The following ZNF577 variants were observed in gnomAD, a reference collection of about 807,000 sequenced individuals.
ZNF577 encodes the protein zinc finger protein 577.
ZNF577 carries 14 observed loss-of-function variants against 13.9 expected under a neutral mutation model. The observed-to-expected ratio is 1.00, with a 90% confidence interval of 0.66 to 1.57. The LOEUF is 1.57. Among genes scored for constraint, ZNF577 ranks in the 40% most tolerant of loss-of-function variants. ZNF577 has a pLI of 0.00. For missense variants in ZNF577, 555 were observed against 579.2 expected, an observed-to-expected ratio of 0.96 and a Z score of 0.43; for synonymous variants, 203 against 202.9, an observed-to-expected ratio of 1.00 and a Z score of 0.00.
intron 5 of ZNF577, among the ~76,000 whole-genome samples, chr19:51,846,994 A>C (rs1179834090): frequency 1.3e-5 from 2 of 152,168 alleles, no homozygotes; most frequent in African/African-American, 4.8e-5. Flanking sequence ...ACCCATCTGC[A>C]AGGTAGATAT....
chr19:51,872,639 C>G lies in ZNF577; in HGVS notation c.1351G>C (p.Val451Leu). ...EQPFPRNQAF[V>L]VNQEFEQRIS... ...CTCTGTTCAAATTCCTGATTAACTA[C>G]AAAGGCTTGATTTCTTGGAAAAGGT... Residue 451 changes from valine (V) to leucine (L), a missense_variant, in exon 6 of 6, where the codon GTA becomes CTA. Coordinates refer to ENST00000638348, the MANE Select transcript of ZNF577 (RefSeq NM_001370449.1). 6.2e-7 allele frequency: 1 copy of G among 1,614,178 alleles called. No individual in the cohort carries two copies. Among genetic ancestry groups the G allele is most frequent in the Non-Finnish European group, 8.5e-7 (1 of 1,180,022 alleles).
chr19:51,865,658 G>A (rs1371232624), downstream of ZNF577, among the ~76,000 whole-genome samples: 1 of 152,170 alleles, frequency 6.6e-6, no homozygotes, highest in Non-Finnish European at 1.5e-5. Context: ...CAATGATCTA[G>A]GTATCTGTAG....
intron 1 of ZNF577, among the ~76,000 whole-genome samples, chr19:51,882,660 T>C (rs986253927): frequency 6.6e-6 from 1 of 152,022 alleles, no homozygotes; most frequent in Non-Finnish European, 1.5e-5. Context: ...GGTGCATGCA[T>C]GTAGTCCCAG....
At chr19:51,814,228 CG>C (rs1347635671) in intron 9 of ZNF577, among the ~76,000 whole-genome samples, 3 of 152,258 alleles carry the variant, frequency 2.0e-5, no homozygotes, top group African/African-American at 7.2e-5. Flanking sequence ...TTGTTTCAGC[CG>C]GAGGACAATG....
chr19:51,809,655 C>T (rs1313076018), intron 10 of ZNF577, among the ~76,000 whole-genome samples: 1 of 152,216 alleles, frequency 6.6e-6, no homozygotes, highest in African/African-American at 2.4e-5. Flanking sequence ...TCTGGGACTA[C>T]AGTAATGCCC....
intron 10 of ZNF577, among the ~76,000 whole-genome samples, chr19:51,806,772 G>C (rs1474817472): frequency 1.3e-5 from 2 of 152,166 alleles, no homozygotes; most frequent in Non-Finnish European, 2.9e-5. Flanking sequence ...TCACCTGTTT[G>C]GCATGTACCA....
intron 9 of ZNF577, among the ~76,000 whole-genome samples, chr19:51,819,941 G>A (rs949621521): frequency 6.6e-6 from 1 of 152,164 alleles, no homozygotes; most frequent in African/African-American, 2.4e-5. Context: ...TTGGGAAGAC[G>A]AGAGACAGTG....
chr19:51,835,566 C>T (rs958060517), intron 9 of ZNF577, among the ~76,000 whole-genome samples: 3 of 152,136 alleles, frequency 2.0e-5, no homozygotes, highest in Non-Finnish European at 2.9e-5. Flanking sequence ...CTGTTCAATA[C>T]AAAAATTGTG....
intron 1 of ZNF577, among the ~76,000 whole-genome samples, chr19:51,883,071 G>C (rs936800305): frequency 6.7e-6 from 1 of 148,652 alleles, no homozygotes; most frequent in Admixed American, 6.8e-5. Context: ...TCAGCTCACT[G>C]CAACCTCCAC....
chr19:51,851,819 C>T (rs375026770), intron 5 of ZNF577, among the ~76,000 whole-genome samples: 22 of 152,202 alleles, frequency 1.4e-4, no homozygotes, highest in African/African-American at 3.6e-4. Context: ...ACAACCCTTA[C>T]GTCTGTCATT....
chr19:51,870,079 G>A lies in ZNF577; in HGVS notation c.*2453C>T, dbSNP rs1036557357. Among the ~76,000 whole-genome samples, 10 of 152,224 alleles carry A rather than the reference G, an allele frequency of 6.6e-5. No individual in the cohort carries two copies. Among genetic ancestry groups the A allele is most frequent in the South Asian group, 4.1e-4 (2 of 4,828 alleles). Reference sequence around the variant, plus strand: ...ATCCTAGGGGCATTGGGTCCAGTGCGTAGACTGAGCTTCATCTGCCCCTTG... The same window carrying A: ...ATCCTAGGGGCATTGGGTCCAGTGCATAGACTGAGCTTCATCTGCCCCTTG... On this transcript the variant is annotated 3_prime_UTR_variant, in exon 6 of 6. Coordinates refer to ENST00000638348, the MANE Select transcript of ZNF577 (RefSeq NM_001370449.1).
At chr19:51,855,049 T>C (rs2084403802) in intron 5 of ZNF577, among the ~76,000 whole-genome samples, 3 of 152,346 alleles carry the variant, frequency 2.0e-5, no homozygotes, top group Non-Finnish European at 2.9e-5. Context: ...GTCTGACATA[T>C]GAGCCTCCTC....
At position 51,873,393 on chromosome 19, in the gene ZNF577, A is replaced by T; in HGVS notation, c.597T>A (p.Ile199=). 1 of 1,614,126 alleles carries T rather than the reference A, an allele frequency of 6.2e-7. No individual in the cohort carries two copies. ...GAGTTCTCTGATGCTCAGTGAGCTG[A>T]ATCTTCCTCATGAATGTTTTCCCAC... ...GECGKTFMRK[I]QLTEHQRTHT... is the part of the protein sequence containing the mutation. The change falls in exon 6 of 6, where the codon ATT becomes ATA. Residue 199 remains isoleucine (I), a synonymous_variant. Coordinates refer to ENST00000638348, the MANE Select transcript of ZNF577 (RefSeq NM_001370449.1).
At position 51,857,336 on chromosome 19, in the gene ZNF577, GAGAAAGAA is replaced by G. The variant is rs908095910; in HGVS notation, c.284-12413_284-12406del. ...GGAAGGAAAAGAAAAGGAGAAAGGA[GAGAAAGAA>G]AGAGAGAAAGAAAGAAGGAAGGAAA... On this transcript the variant is annotated intron_variant and NMD_transcript_variant, in intron 5 of 10. Coordinates refer to the ZNF577 transcript ENST00000638827. 3.3e-3 allele frequency among the ~76,000 whole-genome samples: 404 copies of G among 124,040 alleles called. 16 individuals carry two copies. Among genetic ancestry groups the G allele is most frequent in the African/African-American group, 6.4e-3 (211 of 32,806 alleles). The allele number at this position is 124,040 out of a possible 152,430, so 81.4% of individuals were successfully genotyped here.
chr19:51,853,436 G>A (rs950560776), intron 5 of ZNF577, among the ~76,000 whole-genome samples: 1 of 152,158 alleles, frequency 6.6e-6, no homozygotes, highest in Admixed American at 6.5e-5. Context: ...TGCAAAAAGG[G>A]CACTACCCTA....
At chr19:51,882,493 A>C (rs374118956) in intron 1 of ZNF577, among the ~76,000 whole-genome samples, 8 of 146,246 alleles carry the variant, frequency 5.5e-5, no homozygotes, top group African/African-American at 1.6e-4. Context: ...AAAAAAAAAA[A>C]AACTAGGGTC....
intron 9 of ZNF577, among the ~76,000 whole-genome samples, chr19:51,819,039 A>G (rs1467223043): frequency 6.6e-6 from 1 of 152,238 alleles, no homozygotes; most frequent in African/African-American, 2.4e-5. Context: ...CTGTGCATTC[A>G]GCATGTTCTG....
chr19:51,825,965 C>T (rs1351108267), intron 9 of ZNF577: 1 of 166,892 alleles, frequency 6.0e-6, no homozygotes, highest in Non-Finnish European at 1.5e-5. Flanking sequence ...GGGGCTTTCT[C>T]TTTTTAAAGT....
chr19:51,857,799 A>C (rs2084453349), intron 5 of ZNF577, among the ~76,000 whole-genome samples: 1 of 152,078 alleles, frequency 6.6e-6, no homozygotes, highest in African/African-American at 2.4e-5. Flanking sequence ...AAACTCTAAG[A>C]ACCTATTATC....
Sources: gnomAD v4.1 joint callset for allele counts (sites outside exome capture counted in the v4.1 genomes callset) on GRCh38, gnomAD v4.1.1 for gene constraint, MANE v1.5 for transcripts, NCBI Gene and HGNC (gene_info 2026-07-23, HGNC 2026-07-21) for gene names.